The following ZNF100 variants were observed in gnomAD, a reference collection of about 807,000 sequenced individuals.
ZNF100 encodes the protein zinc finger protein 100 (Y1).
Under a neutral mutation model 15.8 loss-of-function variants are expected in ZNF100, and 12 were observed. That is an observed-to-expected ratio of 0.76 (90% CI 0.49 to 1.23). ZNF100 has a LOEUF of 1.23. Among genes scored for constraint, ZNF100 ranks in the 50% most tolerant of loss-of-function variants. The pLI is 0.00. For missense variants in ZNF100, 670 were observed against 635.6 expected (o/e 1.05, Z -0.58); for synonymous variants, 226 against 214.8 (o/e 1.05, Z -0.45).
rs2035834706 is a variant in ZNF100 at position 21,727,713 on chromosome 19, G to A, written c.599C>T (p.Thr200Ile). The A allele has an allele frequency of 6.2e-7, 1 of 1,613,570 alleles. No homozygotes were observed. Among genetic ancestry groups the A allele is most frequent in the Non-Finnish European group, 8.5e-7 (1 of 1,179,840 alleles). ...TTTACATTTGAAAGGTTTCTTTCTA[G>A]TATGTCTTATCTTATGTCTGTTTGA... The part of the protein sequence containing the change: ...SNSNRHKIRH[T>I]RKKPFKCKKC... Residue 200 changes from threonine (T) to isoleucine (I), a missense_variant, in exon 5 of 5, where the codon ACT becomes ATT. Thr to Ile is a moderately conservative substitution (Grantham distance 89, BLOSUM62 -1). Transcript: ENST00000358296.
chr19:21,741,682 CT>C (rs980426388), intron 4 of ZNF100, among the ~76,000 whole-genome samples: 1,551 of 145,782 alleles, frequency 0.011, 30 homozygotes, highest in African/African-American at 0.033. Context: ...GCATGTAAAA[CT>C]TTTTTTTTTT....
At chr19:21,739,418 T>C (rs2036069078) in intron 4 of ZNF100, among the ~76,000 whole-genome samples, 2 of 152,106 alleles carry the variant, frequency 1.3e-5, no homozygotes. Flanking sequence ...TAGCCAGGCA[T>C]GGTAGTGCAT....
Position 21,724,881 on chromosome 19 carries a change from G to C in ZNF100, c.*1802C>G, listed in dbSNP as rs1393505137. 1 of 151,996 alleles carries C rather than the reference G, an allele frequency of 6.6e-6. No individual in the cohort carries two copies. Among genetic ancestry groups the C allele is most frequent in the African/African-American group, 2.4e-5 (1 of 41,394 alleles). The allele number at this position is 151,996 out of a possible 1,614,324, so 9.4% of individuals were successfully genotyped here. A position where few individuals can be genotyped will look rare whatever the true frequency, so the allele number is the denominator to read the frequency against. On this transcript the variant is annotated 3_prime_UTR_variant, in exon 5 of 5. Coordinates refer to ENST00000358296, the MANE Select transcript of ZNF100 (RefSeq NM_173531.4). The stretch of plus-strand genomic sequence containing the variant: ...AGCTTGACTTACATTATGAAACCCT[G>C]TCTCTACTAAAATACAAAAATTAGC...
intron 1 of ZNF100, among the ~76,000 whole-genome samples, chr19:21,766,669 G>A (rs1273599656): frequency 6.6e-6 from 1 of 152,032 alleles, no homozygotes; most frequent in East Asian, 1.9e-4. Context: ...ACCATAGCTG[G>A]ATACTCTATG....
At chr19:21,744,381 A>G (rs888467915) in intron 3 of ZNF100, among the ~76,000 whole-genome samples, 1 of 152,034 alleles carries the variant, frequency 6.6e-6, no homozygotes, top group African/African-American at 2.4e-5. Flanking sequence ...ATATACATTT[A>G]TTTATTTTTG....
intron 1 of ZNF100, among the ~76,000 whole-genome samples, chr19:21,766,303 C>A (rs1170757933): frequency 1.3e-5 from 2 of 151,870 alleles, no homozygotes; most frequent in Non-Finnish European, 2.9e-5. Context: ...ACTTAACAAC[C>A]TGCTTGGGAC....
intron 2 of ZNF100, among the ~76,000 whole-genome samples, chr19:21,755,986 C>A (rs188960649): frequency 1.1e-4 from 17 of 152,220 alleles, no homozygotes; most frequent in Non-Finnish European, 2.1e-4. Context: ...GCGCACCAAA[C>A]CACCATGGCA....
chr19:21,738,173 C>T (rs1000238741), intron 4 of ZNF100, among the ~76,000 whole-genome samples: 4 of 129,226 alleles, frequency 3.1e-5, no homozygotes, highest in Non-Finnish European at 6.3e-5. Flanking sequence ...ACTGCTTGAA[C>T]CCAGGAGGTG....
chr19:21,745,115 T>C lies in ZNF100; in HGVS notation c.97-48A>G, dbSNP rs535064230. 9 of 1,558,326 alleles carry C rather than the reference T, an allele frequency of 5.8e-6. No homozygotes were observed. The African/African-American group carries it at 6.9e-5, about 12-fold the overall frequency. ...CACACATATATTTACCAAGTGGCCA[T>C]GGGCAGAATTTATTATTTGAATTAA... On this transcript the variant is annotated intron_variant, in intron 2 of 4. Coordinates refer to ENST00000358296, the MANE Select transcript of ZNF100 (RefSeq NM_173531.4).
chr19:21,726,370 T>C lies in ZNF100; in HGVS notation c.*313A>G, dbSNP rs1165299853. On this transcript the variant is annotated 3_prime_UTR_variant, in exon 5 of 5. Transcript: ENST00000358296. ...TCACACTGTTCACACATGTAGAAGTTTTCTCCAGTATAACTTACCTTACCT... is the reference window on the plus strand; with the variant it reads ...TCACACTGTTCACACATGTAGAAGTCTTCTCCAGTATAACTTACCTTACCT... 6 of 296,912 alleles carry C rather than the reference T, an allele frequency of 2.0e-5. No individual in the cohort carries two copies. The East Asian group carries it at 2.7e-4, about 14-fold the overall frequency. The allele number at this position is 296,912 out of a possible 1,614,324, so 18.4% of individuals were successfully genotyped here. A position where few individuals can be genotyped will look rare whatever the true frequency, so the allele number is the denominator to read the frequency against.
intron 4 of ZNF100, among the ~76,000 whole-genome samples, chr19:21,741,945 T>C (rs1365410285): frequency 6.6e-6 from 1 of 152,158 alleles, no homozygotes; most frequent in African/African-American, 2.4e-5. Context: ...CCCAAAATCC[T>C]GGGATTACAG....
chr19:21,753,567 C>T (rs2036344812), intron 2 of ZNF100: 1 of 152,122 alleles, frequency 6.6e-6, no homozygotes, highest in African/African-American at 2.4e-5. Context: ...TGGGCGACAT[C>T]CAGACCCTAT....
chr19:21,766,045 T>C (rs2036555298), intron 1 of ZNF100, among the ~76,000 whole-genome samples: 1 of 152,186 alleles, frequency 6.6e-6, no homozygotes, highest in Non-Finnish European at 1.5e-5. Context: ...TGTCAGAGGA[T>C]TAGTCTTTGT....
Position 21,725,568 on chromosome 19 carries a change from A to T in ZNF100, c.*1115T>A, listed in dbSNP as rs968329500. 4 of 152,168 alleles carry T rather than the reference A, an allele frequency of 2.6e-5. No homozygotes were observed. Among genetic ancestry groups the T allele is most frequent in the Non-Finnish European group, 5.9e-5 (4 of 67,998 alleles). The allele number at this position is 152,168 out of a possible 1,614,324, so 9.4% of individuals were successfully genotyped here. A position where few individuals can be genotyped will look rare whatever the true frequency, so the allele number is the denominator to read the frequency against. On this transcript the variant is annotated 3_prime_UTR_variant, in exon 5 of 5. Transcript: ENST00000358296. ...CTCACCTAATAAAAAAGAATCTCTC[A>T]TATCTGATGCAGCAACAATTGATCA...
rs553720603 is a variant in ZNF100 at position 21,761,957 on chromosome 19, A to T, written c.96+3737T>A. ...AAAATAGCACTAGTAGGCCAAGCAC[A>T]GTGGCTCACCAGCACTTGGGAGACC... is the stretch of plus-strand genomic sequence containing the variant. On this transcript the variant is annotated intron_variant, in intron 2 of 4. Transcript: ENST00000358296. Among the ~76,000 whole-genome samples the T allele has an allele frequency of 2.0e-5, 3 of 152,344 alleles. No individual in the cohort carries two copies. The East Asian group carries it at 5.8e-4, about 29-fold the overall frequency.
chr19:21,729,373 G>A (rs2035872731), intron 4 of ZNF100, among the ~76,000 whole-genome samples: 2 of 129,156 alleles, frequency 1.5e-5, no homozygotes, highest in South Asian at 4.8e-4. Flanking sequence ...TGCTTCTATT[G>A]AAAATAACAT....
At chr19:21,744,182 A>T in intron 3 of ZNF100, 67 bp from the exon 4 acceptor site, 2 of 1,314,928 alleles carry the variant, frequency 1.5e-6, no homozygotes, top group Non-Finnish European at 2.0e-6. Context: ...TACTATGCTT[A>T]GTAAAGAGGA....
chr19:21,747,904 C>G (rs2036238596), intron 2 of ZNF100, among the ~76,000 whole-genome samples: 1 of 152,098 alleles, frequency 6.6e-6, no homozygotes, highest in South Asian at 2.1e-4. Context: ...ACTAAGTGTT[C>G]AGTAATTCTC....
chr19:21,752,078 G>T, intron 2 of ZNF100: 1 of 218,726 alleles, frequency 4.6e-6, no homozygotes, highest in South Asian at 1.4e-4. Flanking sequence ...ATACTCCATA[G>T]AAAAGAATGG....
Sources: gnomAD v4.1 joint callset for allele counts (sites outside exome capture counted in the v4.1 genomes callset) on GRCh38, gnomAD v4.1.1 for gene constraint, MANE v1.5 for transcripts, NCBI Gene and HGNC (gene_info 2026-07-23, HGNC 2026-07-21) for gene names.